TMEFF2: variants seen among roughly 807,000 people sequenced by gnomAD.
The protein encoded by TMEFF2 is transmembrane protein with EGF like and two follistatin like domains 2, also known as tomoregulin-2.
A neutral mutation model predicts 53.8 loss-of-function variants in TMEFF2; 28 were observed. That is an observed-to-expected ratio of 0.52 (90% CI 0.39 to 0.71). The LOEUF is 0.71. Among genes scored for constraint, TMEFF2 ranks in the 30% least tolerant of loss-of-function variants. The probability of loss-of-function intolerance (pLI) is 0.00; values close to 1 mark genes in which losing one functional copy is unlikely to be tolerated. For synonymous variants in TMEFF2, 162 were observed against 166.3 expected, an observed-to-expected ratio of 0.97 and a Z score of 0.20; for missense variants, 353 against 455.2, an observed-to-expected ratio of 0.78 and a Z score of 2.04.
chr2:191,971,549 T>C (rs909983652), intron 7 of TMEFF2, among the ~76,000 whole-genome samples: 2 of 152,212 alleles, frequency 1.3e-5, no homozygotes, highest in African/African-American at 4.8e-5. Flanking sequence ...CCCACAACTT[T>C]TGTTTCTTGA....
At chr2:192,131,455 C>G (rs145027747) in intron 4 of TMEFF2, among the ~76,000 whole-genome samples, 2,132 of 152,232 alleles carry the variant, frequency 0.014, 48 homozygotes, top group African/African-American at 0.047. Context: ...TTCTCCTTCA[C>G]CCTTAGTGGC....
chr2:192,091,307 ACAT>A (rs1459580702), intron 4 of TMEFF2, among the ~76,000 whole-genome samples: 2 of 152,148 alleles, frequency 1.3e-5, no homozygotes, highest in Non-Finnish European at 2.9e-5. Flanking sequence ...AGTAGCAGAA[ACAT>A]CAGGGAAATC....
intron 4 of TMEFF2, among the ~76,000 whole-genome samples, chr2:192,173,601 T>A (rs1293526279): frequency 1.3e-5 from 2 of 151,910 alleles, no homozygotes; most frequent in Non-Finnish European, 2.9e-5. Flanking sequence ...TGCCTGCCAC[T>A]GTAGTTTTAA....
intron 5 of TMEFF2, among the ~76,000 whole-genome samples, chr2:192,057,177 G>A (rs959437228): frequency 6.6e-6 from 1 of 151,922 alleles, no homozygotes; most frequent in Non-Finnish European, 1.5e-5. Context: ...CTGAGTACCT[G>A]GGACTACAGG....
intron 2 of TMEFF2, among the ~76,000 whole-genome samples, chr2:192,188,302 T>C (rs1478707045): frequency 6.6e-6 from 1 of 152,212 alleles, no homozygotes; most frequent in Non-Finnish European, 1.5e-5. Context: ...TCTTTCTTTC[T>C]CTCTGGATGC....
intron 8 of TMEFF2, among the ~76,000 whole-genome samples, chr2:191,954,363 A>G (rs899307227): frequency 6.6e-5 from 10 of 152,196 alleles, no homozygotes; most frequent in African/African-American, 2.4e-4. Flanking sequence ...TACATTTATG[A>G]TAATAATTTC....
rs138455658 is a variant in TMEFF2, at chr2:192,042,579, T to C, written c.536+15100A>G. On this transcript the variant is annotated intron_variant, in intron 5 of 9. Transcript: ENST00000272771. ...ATGTGTAGGAATGGACACTAGGGTA[T>C]GGGATAATGGTGAAAAGAATATGAA... Among the ~76,000 whole-genome samples, 357 of 152,252 alleles carry C rather than the reference T, an allele frequency of 2.3e-3. 1 individual carries two copies. The highest frequency in any genetic ancestry group is 8.2e-3 in the African/African-American group (340 of 41,552).
At chr2:192,189,517 C>G (rs1691407196) in intron 2 of TMEFF2, among the ~76,000 whole-genome samples, 1 of 110,146 alleles carries the variant, frequency 9.1e-6, no homozygotes, top group African/African-American at 3.5e-5. Flanking sequence ...CACTATCCAG[C>G]CTGGGTGGCA....
chr2:192,153,437 T>G (rs1238062595), intron 4 of TMEFF2, among the ~76,000 whole-genome samples: 1 of 151,878 alleles, frequency 6.6e-6, no homozygotes, highest in African/African-American at 2.4e-5. Context: ...TCCCCAATTC[T>G]TACTTGTAGA....
intron 4 of TMEFF2, among the ~76,000 whole-genome samples, chr2:192,098,626 AT>A (rs1411391935): frequency 1.3e-5 from 2 of 152,196 alleles, no homozygotes; most frequent in African/African-American, 4.8e-5. Context: ...TCGTCTCTCA[AT>A]TGGATGATAA....
intron 4 of TMEFF2, among the ~76,000 whole-genome samples, chr2:192,066,155 T>C (rs1688165392): frequency 6.6e-6 from 1 of 151,836 alleles, no homozygotes; most frequent in Admixed American, 6.6e-5. Context: ...GAATAATAGT[T>C]ATACTGTTAC....
At chr2:191,988,824 G>T (rs1277979556) in intron 7 of TMEFF2, among the ~76,000 whole-genome samples, 1 of 151,814 alleles carries the variant, frequency 6.6e-6, no homozygotes. Context: ...TGAAAATCAT[G>T]TGAAATATAT....
At chr2:192,023,732 CATT>C (rs1215001507) in intron 5 of TMEFF2, among the ~76,000 whole-genome samples, 1 of 152,084 alleles carries the variant, frequency 6.6e-6, no homozygotes, top group Non-Finnish European at 1.5e-5. Context: ...GGGAAAATTT[CATT>C]AGGTCTGCTA....
intron 4 of TMEFF2, among the ~76,000 whole-genome samples, chr2:192,101,446 T>C (rs1689029704): frequency 6.6e-6 from 1 of 152,222 alleles, no homozygotes; most frequent in Non-Finnish European, 1.5e-5. Context: ...ATTTGTGTGG[T>C]ATTTGTTAAC....
intron 4 of TMEFF2, among the ~76,000 whole-genome samples, chr2:192,100,666 T>C (rs540898250): frequency 6.6e-6 from 1 of 152,312 alleles, no homozygotes; most frequent in African/African-American, 2.4e-5. Flanking sequence ...TTAAAACTCC[T>C]TGGATTTCCT....
chr2:192,012,582 C>G (rs1013490857), intron 5 of TMEFF2, among the ~76,000 whole-genome samples: 1 of 152,116 alleles, frequency 6.6e-6, no homozygotes, highest in East Asian at 1.9e-4. Flanking sequence ...CTTATGTTTT[C>G]CTTGATAAAA....
chr2:192,176,938 A>G (rs1329364221), intron 4 of TMEFF2: 7 of 151,210 alleles, frequency 4.6e-5, no homozygotes, highest in Admixed American at 4.6e-4. Context: ...ATGTTTTACA[A>G]GTAAATTTGT....
intron 5 of TMEFF2, among the ~76,000 whole-genome samples, chr2:192,023,123 G>A (rs1686894416): frequency 1.3e-5 from 2 of 152,024 alleles, no homozygotes; most frequent in African/African-American, 4.8e-5. Flanking sequence ...CTTGCACACT[G>A]GCCATATTCC....
At chr2:192,062,230 C>G (rs1688061964) in intron 4 of TMEFF2, among the ~76,000 whole-genome samples, 1 of 152,136 alleles carries the variant, frequency 6.6e-6, no homozygotes, top group Non-Finnish European at 1.5e-5. Flanking sequence ...TCTAGAACAT[C>G]ACATCAGTGG....
Sources: gnomAD v4.1 joint callset for allele counts (sites outside exome capture counted in the v4.1 genomes callset) on GRCh38, gnomAD v4.1.1 for gene constraint, MANE v1.5 for transcripts, NCBI Gene and HGNC (gene_info 2026-07-23, HGNC 2026-07-21) for gene names.